Variants in STAP1 observed in about 807,000 individuals in gnomAD.
STAP1 encodes signal transducing adaptor family member 1.
Under a neutral mutation model 37.8 loss-of-function variants are expected in STAP1, and 30 were observed. That is an observed-to-expected ratio of 0.79 (90% CI 0.59 to 1.08). STAP1 has a LOEUF of 1.08. Among genes scored for constraint, STAP1 ranks in the 50% least tolerant of loss-of-function variants. STAP1 has a pLI of 0.00. For synonymous variants in STAP1, 130 were observed against 116.0 expected (o/e 1.12, Z -0.78); for missense variants, 357 against 349.4 (o/e 1.02, Z -0.17).
intron 8 of STAP1, among the ~76,000 whole-genome samples, chr4:67,601,425 G>A (rs929397797): frequency 3.9e-5 from 6 of 152,044 alleles, no homozygotes; most frequent in African/African-American, 1.4e-4. Flanking sequence ...ATTCTGTTTT[G>A]TCTATTACCA....
intron 1 of STAP1, among the ~76,000 whole-genome samples, chr4:67,565,988 GC>G (rs1727460239): frequency 9.0e-6 from 1 of 111,218 alleles, no homozygotes. Context: ...TTTCTCTGTC[GC>G]CCAGTCTAGA....
chr4:67,588,685 A>C (rs929723865), intron 6 of STAP1, among the ~76,000 whole-genome samples: 1 of 152,202 alleles, frequency 6.6e-6, no homozygotes, highest in Non-Finnish European at 1.5e-5. Context: ...CTGGGATTAC[A>C]GGCGTGAACC....
At chr4:67,579,042 G>A (rs1297094257) in intron 4 of STAP1, among the ~76,000 whole-genome samples, 1 of 152,042 alleles carries the variant, frequency 6.6e-6, no homozygotes, top group Non-Finnish European at 1.5e-5. Context: ...CACCATGTTG[G>A]CCATGCTGGT....
chr4:67,572,905 G>A (rs1727638101), intron 2 of STAP1, among the ~76,000 whole-genome samples: 1 of 152,150 alleles, frequency 6.6e-6, no homozygotes, highest in Non-Finnish European at 1.5e-5. Context: ...TACAATCCAG[G>A]TCTTGCTCCT....
intron 2 of STAP1, among the ~76,000 whole-genome samples, chr4:67,574,159 G>A (rs1016858670): frequency 6.6e-6 from 1 of 152,034 alleles, no homozygotes; most frequent in African/African-American, 2.4e-5. Flanking sequence ...TATGAACAAT[G>A]TATAGTACAC....
chr4:67,565,465 C>A (rs1182923689), intron 1 of STAP1, among the ~76,000 whole-genome samples: 1 of 152,210 alleles, frequency 6.6e-6, no homozygotes, highest in Non-Finnish European at 1.5e-5. Flanking sequence ...ATACTGCTAT[C>A]ACACCCACAC....
At chr4:67,595,472 T>G (rs543547897) in intron 8 of STAP1, among the ~76,000 whole-genome samples, 1 of 151,868 alleles carries the variant, frequency 6.6e-6, no homozygotes, top group East Asian at 1.9e-4. Context: ...AGTTCAAGGT[T>G]GCAGTGCACT....
intron 2 of STAP1, among the ~76,000 whole-genome samples, chr4:67,574,725 T>C (rs759626969): frequency 1.6e-4 from 24 of 152,190 alleles, no homozygotes; most frequent in Non-Finnish European, 2.8e-4. Context: ...TTTAAAGTGT[T>C]TCTAAAGAAA....
chr4:67,591,048 A>T, intron 7 of STAP1, 95 bp downstream of exon 7: 1 of 756,244 alleles, frequency 1.3e-6, no homozygotes. Context: ...AGGAGCCCTG[A>T]ATGTGGCAGA....
intron 8 of STAP1, among the ~76,000 whole-genome samples, chr4:67,595,492 T>C (rs939427871): frequency 6.6e-6 from 1 of 151,754 alleles, no homozygotes; most frequent in African/African-American, 2.4e-5. Context: ...TATGACTGTG[T>C]CAATGCACAA....
chr4:67,581,583 G>C, intron 5 of STAP1, 112 bp downstream of exon 5: 1 of 1,188,220 alleles, frequency 8.4e-7, no homozygotes, highest in Non-Finnish European at 1.2e-6. Context: ...AAGCAGTCTT[G>C]GGGATAAACT....
intron 1 of STAP1, among the ~76,000 whole-genome samples, chr4:67,562,027 G>A (rs560017349): frequency 5.6e-4 from 76 of 135,280 alleles, no homozygotes; most frequent in African/African-American, 1.6e-3. Context: ...ATCCGAGATC[G>A]CGCCACTGCA....
At chr4:67,593,655 G>A (rs954792958) in intron 8 of STAP1, among the ~76,000 whole-genome samples, 2 of 152,138 alleles carry the variant, frequency 1.3e-5, no homozygotes, top group African/African-American at 2.4e-5. Context: ...GAGGTAAGAG[G>A]AAACCATAAT....
chr4:67,606,210 A>G, intron 8 of STAP1, 86 bp from the exon 9 acceptor site: 1 of 1,059,288 alleles, frequency 9.4e-7, no homozygotes, highest in South Asian at 1.5e-5. Flanking sequence ...ACACACGAGC[A>G]GGAAAATCAA....
At chr4:67,592,591 A>G (rs1200123409) in intron 7 of STAP1, among the ~76,000 whole-genome samples, 1 of 152,212 alleles carries the variant, frequency 6.6e-6, no homozygotes, top group African/African-American at 2.4e-5. Flanking sequence ...GCTAAGAACC[A>G]TCTGATTAGG....
chr4:67,599,711 A>G (rs750029746), intron 8 of STAP1, among the ~76,000 whole-genome samples: 8 of 151,282 alleles, frequency 5.3e-5, no homozygotes, highest in Non-Finnish European at 1.0e-4. Flanking sequence ...GCACAATCTC[A>G]GCTCACTGCA....
chr4:67,562,975 C>G (rs1296761902), intron 1 of STAP1, among the ~76,000 whole-genome samples: 1 of 152,174 alleles, frequency 6.6e-6, no homozygotes, highest in Non-Finnish European at 1.5e-5. Flanking sequence ...TTGGAGACCA[C>G]TATACAACAT....
chr4:67,588,300 C>T (rs1015491847), intron 6 of STAP1, among the ~76,000 whole-genome samples: 2 of 152,000 alleles, frequency 1.3e-5, no homozygotes, highest in Admixed American at 6.6e-5. Context: ...TCCAAGATAC[C>T]TTGTTGACCT....
intron 6 of STAP1, among the ~76,000 whole-genome samples, chr4:67,588,963 G>T (rs772113016): frequency 4.6e-5 from 7 of 152,138 alleles, no homozygotes; most frequent in Non-Finnish European, 1.0e-4. Context: ...TGTACTAAGG[G>T]CTTTGCAAAG....
Sources: gnomAD v4.1 joint callset for allele counts (sites outside exome capture counted in the v4.1 genomes callset) on GRCh38, gnomAD v4.1.1 for gene constraint, MANE v1.5 for transcripts, NCBI Gene and HGNC (gene_info 2026-07-23, HGNC 2026-07-21) for gene names.